The following GGT5 variants were observed in gnomAD, a reference collection of about 807,000 sequenced individuals.
GGT5 encodes glutathione hydrolase 5 proenzyme.
A neutral mutation model predicts 58.1 loss-of-function variants in GGT5; 50 were observed. The observed-to-expected ratio is 0.86, with a 90% CI of 0.69 to 1.09. GGT5 has a LOEUF of 1.09. GGT5 is among the 50% of genes least tolerant of loss of function. The pLI is 0.00. For synonymous variants in GGT5, 370 were observed against 346.1 expected (o/e 1.07, Z -0.77); for missense variants, 800 against 789.4 (o/e 1.01, Z -0.16).
chr22:24,233,388 C>T (rs1020326335), intron 3 of GGT5, 110 bp downstream of exon 3: 12 of 640,380 alleles, frequency 1.9e-5, no homozygotes, highest in East Asian at 1.4e-4. Flanking sequence ...CGTGTCCCCC[C>T]GTGCCAGGGA....
At chr22:24,220,200 A>C in intron 11 of GGT5, 84 bp from the exon 12 acceptor site, 1 of 1,355,960 alleles carries the variant, frequency 7.4e-7, no homozygotes, top group Non-Finnish European at 1.0e-6. Flanking sequence ...GAAATGAGAA[A>C]AATGATCAAA....
At chr22:24,240,237 G>A (rs1374274350) in intron 1 of GGT5, among the ~76,000 whole-genome samples, 2 of 152,136 alleles carry the variant, frequency 1.3e-5, no homozygotes, top group Non-Finnish European at 2.9e-5. Context: ...AGAGAAAAAG[G>A]AAATTGAATA....
At chr22:24,240,653 T>G (rs1601432923) in intron 1 of GGT5, among the ~76,000 whole-genome samples, 1 of 152,202 alleles carries the variant, frequency 6.6e-6, no homozygotes, top group Non-Finnish European at 1.5e-5. Flanking sequence ...TAGAATTATA[T>G]TAGCCACACC....
intron 1 of GGT5, chr22:24,242,817 G>T (rs1321513456): frequency 6.6e-6 from 1 of 152,276 alleles, no homozygotes; most frequent in Non-Finnish European, 1.5e-5. Context: ...TCCGGCCAGG[G>T]TCCCAGTGTC....
intron 1 of GGT5, among the ~76,000 whole-genome samples, chr22:24,237,827 G>A (rs2048143596): frequency 6.6e-6 from 1 of 152,124 alleles, no homozygotes; most frequent in Non-Finnish European, 1.5e-5. Flanking sequence ...AAGGTCCATA[G>A]GATCTCCAGA....
At chr22:24,228,641 A>G (rs34505104) in intron 6 of GGT5, among the ~76,000 whole-genome samples, 47,881 of 151,428 alleles carry the variant, frequency 0.32, 7,696 homozygotes, top group African/African-American at 0.37. Flanking sequence ...TAGTAGAGAC[A>G]GGGTTTCACT....
Position 24,244,602 on chromosome 22 carries a change from C to T in GGT5, c.124G>A (p.Ala42Thr). Residue 42 changes from alanine (A) to threonine (T), a missense_variant, in exon 1 of 12, where the codon GCC becomes ACC. Transcript: ENST00000327365. ...GAGTCGGCGGCAACAGCAGCGTGGG[C>T]AAAGGCCTGGGGGCCACATGGGGCC... is the stretch of plus-strand genomic sequence containing the variant. Reference protein sequence around the residue: ...HQAPCGPQAFAHAAVAADSKV... With the variant: ...HQAPCGPQAFTHAAVAADSKV... 6.2e-7 allele frequency: 1 copy of T among 1,612,672 alleles called. No individual in the cohort carries two copies. Among genetic ancestry groups the T allele is most frequent in the Non-Finnish European group, 8.5e-7 (1 of 1,179,882 alleles).
chr22:24,228,676 T>C (rs566186510), intron 6 of GGT5, among the ~76,000 whole-genome samples: 1 of 152,152 alleles, frequency 6.6e-6, no homozygotes, highest in Admixed American at 6.6e-5. Context: ...GGTCTCGATC[T>C]CCTGAACTCA....
At chr22:24,238,939 A>AT (rs1257920227) in intron 1 of GGT5, among the ~76,000 whole-genome samples, 27 of 15,892 alleles carry the variant, frequency 1.7e-3, no homozygotes, top group African/African-American at 0.01. Flanking sequence ...TATATTATAT[A>AT]ATATATATAT....
chr22:24,236,037 T>C (rs2048086323), intron 1 of GGT5, among the ~76,000 whole-genome samples: 1 of 152,188 alleles, frequency 6.6e-6, no homozygotes, highest in Non-Finnish European at 1.5e-5. Context: ...TGGCATGAGA[T>C]GCAACCTGTG....
chr22:24,238,072 T>C (rs2048151110), intron 1 of GGT5, among the ~76,000 whole-genome samples: 1 of 150,072 alleles, frequency 6.7e-6, no homozygotes, highest in South Asian at 2.1e-4. Context: ...CTACCAAAAA[T>C]ACAAAAATTA....
rs748665403 is a variant in GGT5 at position 24,225,564 on chromosome 22, C to T, written c.1318G>A (p.Gly440Ser). Residue 440 changes from glycine to serine, a missense_variant, in exon 9 of 12, where the codon GGC becomes AGC. Coordinates refer to ENST00000327365, the MANE Select transcript of GGT5 (RefSeq NM_004121.5). Reference sequence around the variant, plus strand: ...TTCTCACCAGGTGAGGGGGTGGTGCCGGAACCCCGGGGGCATCGCTCGCAT... The same window carrying T: ...TTCTCACCAGGTGAGGGGGTGGTGCTGGAACCCCGGGGGCATCGCTCGCAT... The part of the protein sequence containing the change: ...DLCERCPRGS[G>S]TTPSPVSGDR... 2.2e-5 allele frequency: 36 copies of T among 1,611,986 alleles called. No individual in the cohort carries two copies. The East Asian group carries it at 2.7e-4, about 12-fold the overall frequency.
rs369492291 is a variant in GGT5 at position 24,226,114 on chromosome 22, A to G, written c.1191T>C (p.Asp397=). The G allele has an allele frequency of 3.1e-6, 5 of 1,606,074 alleles. No individual in the cohort carries two copies. The African/African-American group carries it at 5.4e-5, about 17-fold the overall frequency. ...GTSHVSVLGE[D]GSAVAATSTI... ...TGCTGGTGGCAGCCACGGCGCTGCC[A>G]TCCTCCCCCAGCACAGACACATGGG... The change falls in exon 8 of 12, where the codon GAT becomes GAC. Residue 397 remains aspartate (D), a synonymous_variant. Coordinates refer to ENST00000327365, the MANE Select transcript of GGT5 (RefSeq NM_004121.5).
At chr22:24,241,490 C>T (rs2048327164) in intron 1 of GGT5, 1 of 152,172 alleles carries the variant, frequency 6.6e-6, no homozygotes, top group Non-Finnish European at 1.5e-5. Context: ...AGTTTTTGTT[C>T]TTACGGCCTT....
intron 11 of GGT5, among the ~76,000 whole-genome samples, chr22:24,222,805 C>T (rs375267426): frequency 1.1e-3 from 160 of 151,976 alleles, no homozygotes; most frequent in East Asian, 2.7e-3. Context: ...GGGCCGGGCG[C>T]GGTGGCTCAC....
intron 6 of GGT5, among the ~76,000 whole-genome samples, chr22:24,231,037 G>A (rs1295486369): frequency 6.6e-6 from 1 of 152,200 alleles, no homozygotes; most frequent in Non-Finnish European, 1.5e-5. Flanking sequence ...GGGCTAGGCT[G>A]GCTTCGCTCC....
intron 1 of GGT5, among the ~76,000 whole-genome samples, chr22:24,240,178 A>C (rs2048290666): frequency 6.6e-6 from 1 of 152,196 alleles, no homozygotes; most frequent in South Asian, 2.1e-4. Flanking sequence ...AAAATAATCT[A>C]CTGTCATCTT....
intron 10 of GGT5, 34 bp downstream of exon 10, chr22:24,225,211 G>T (rs1191419482): frequency 1.2e-6 from 2 of 1,606,280 alleles, no homozygotes; most frequent in Admixed American, 3.3e-5. Flanking sequence ...GCTGCCCAGA[G>T]AGGAGACACT....
chr22:24,227,176 C>G (rs1277073521), intron 6 of GGT5, among the ~76,000 whole-genome samples: 3 of 152,108 alleles, frequency 2.0e-5, no homozygotes, highest in Non-Finnish European at 4.4e-5. Flanking sequence ...TATTGAACTC[C>G]TGGCCTCAAG....
Sources: allele counts gnomAD v4.1 joint callset (sites outside exome capture counted in the v4.1 genomes callset), GRCh38; gene constraint gnomAD v4.1.1; transcripts MANE v1.5; gene names NCBI Gene and HGNC (gene_info 2026-07-23, HGNC 2026-07-21).